ZBTB40: variants seen among roughly 807,000 people sequenced by gnomAD.
ZBTB40 encodes the protein zinc finger and BTB domain-containing protein 40.
ZBTB40 carries 60 observed loss-of-function variants against 117.5 expected under a neutral mutation model. The ratio of observed to expected loss-of-function variants is 0.51; its 90% confidence interval spans 0.41 to 0.63. The LOEUF is 0.63. Ranked by LOEUF, ZBTB40 falls within the 30% of genes least tolerant of loss-of-function variation. The pLI, the probability that ZBTB40 is intolerant of heterozygous loss-of-function variation, is 0.00. For synonymous variants in ZBTB40, 525 were observed against 577.1 expected (o/e 0.91, Z 1.29); for missense variants, 1,287 against 1,498.5 (o/e 0.86, Z 2.33).
intron 13 of ZBTB40, 36 bp downstream of exon 13, chr1:22,517,500 C>T (rs1423542150): frequency 6.3e-7 from 1 of 1,597,174 alleles, no homozygotes; most frequent in Non-Finnish European, 8.5e-7. Flanking sequence ...CCCTCAGTGC[C>T]AGCCTGGCAC....
intron 5 of ZBTB40, 77 bp from the exon 6 acceptor site, chr1:22,505,972 C>A (rs778717671): frequency 3.7e-5 from 56 of 1,501,276 alleles, no homozygotes; most frequent in Non-Finnish European, 5.0e-5. Context: ...TGCTATCTTG[C>A]TAGGTTTTCC....
chr1:22,467,610 G>T (rs527530072), intron 1 of ZBTB40, among the ~76,000 whole-genome samples: 1 of 152,104 alleles, frequency 6.6e-6, no homozygotes, highest in Non-Finnish European at 1.5e-5. Flanking sequence ...GAGTAGCTGG[G>T]ATCACAGGTG....
At chr1:22,488,094 C>T (rs1006067509) in intron 1 of ZBTB40, among the ~76,000 whole-genome samples, 2 of 152,160 alleles carry the variant, frequency 1.3e-5, no homozygotes, top group African/African-American at 4.8e-5. Flanking sequence ...CTGTTTTTCC[C>T]TCAAAGCTTT....
In ZBTB40 at chr1:22,514,065, G is replaced by A. The variant is rs116167618; in HGVS notation, c.2668+935G>A. 3.6e-3 allele frequency among the ~76,000 whole-genome samples: 543 copies of A among 152,242 alleles called. 1 individual carries two copies. The highest frequency in any genetic ancestry group is 0.012 in the African/African-American group (516 of 41,548). On this transcript the variant is annotated intron_variant, in intron 12 of 17. Coordinates refer to ENST00000375647, the MANE Select transcript of ZBTB40 (RefSeq NM_014870.4). ...GGGGGCAGGGAGAGGGGAGTGTAGC[G>A]CCCGTTACAATGCAGATTGTCAGCG...
chr1:22,493,135 C>T (rs940571790), intron 3 of ZBTB40, among the ~76,000 whole-genome samples: 1 of 152,104 alleles, frequency 6.6e-6, no homozygotes, highest in African/African-American at 2.4e-5. Flanking sequence ...TACATGCATT[C>T]GTTCAACATT....
chr1:22,468,788 C>T (rs879759183), intron 1 of ZBTB40, among the ~76,000 whole-genome samples: 3 of 150,748 alleles, frequency 2.0e-5, no homozygotes. Context: ...CATGGGCTGC[C>T]ATGCTTGGTG....
At chr1:22,435,018 ATT>A (rs200374120) in intron 1 of ZBTB40, among the ~76,000 whole-genome samples, 5 of 139,820 alleles carry the variant, frequency 3.6e-5, no homozygotes, top group African/African-American at 5.2e-5. Context: ...TCCTTCATTA[ATT>A]TTTTTTTTTT....
At chr1:22,437,564 C>T (rs1640685386) in intron 1 of ZBTB40, among the ~76,000 whole-genome samples, 1 of 151,802 alleles carries the variant, frequency 6.6e-6, no homozygotes, top group Non-Finnish European at 1.5e-5. Context: ...GAACTACAGG[C>T]ACGCACCACT....
At position 22,513,366 on chromosome 1, in the gene ZBTB40, T is replaced by C. The variant is rs1011961579; in HGVS notation, c.2668+236T>C. Among the ~76,000 whole-genome samples, 5 of 152,156 alleles carry C rather than the reference T, an allele frequency of 3.3e-5. No individual in the cohort carries two copies. The highest frequency in any genetic ancestry group is 1.2e-4 in the African/African-American group (5 of 41,428). The stretch of plus-strand genomic sequence containing the variant: ...TCTCTCATTCTCCCTGATGCAGTTA[T>C]TTCATATTGCATGCCTGCAGCACAA... On this transcript the variant is annotated intron_variant, in intron 12 of 17. Transcript: ENST00000375647. This position sits in a 1 kb window ranked among gnomAD's most constrained non-coding sequence, Gnocchi z 4.9.
rs866627860 is a variant in ZBTB40, at chr1:22,520,193, C to T, written c.2966C>T (p.Ala989Val). ...PCPTCGKIFSAPSMLERHVVT... is the reference protein window; with the variant it reads ...PCPTCGKIFSVPSMLERHVVT... ...CCCACGTGTGGGAAGATCTTCAGTG[C>T]CCCGTCCATGCTGGAGCGGCACGTG... The change falls in exon 14 of 18, where the codon GCC becomes GTC. Residue 989 changes from alanine to valine, a missense_variant. Ala to Val is a moderately conservative substitution (Grantham distance 64, BLOSUM62 0). Around this residue, in one of 2 missense-constraint regions of ZBTB40, gnomAD observed 417 missense variants for 564.1 expected, o/e 0.74. Transcript: ENST00000375647. The T allele has an allele frequency of 6.2e-7, 1 of 1,614,084 alleles. No individual in the cohort carries two copies. Among genetic ancestry groups the T allele is most frequent in the African/African-American group, 1.3e-5 (1 of 75,040 alleles).
At position 22,524,431 on chromosome 1, in the gene ZBTB40, C is replaced by T; in HGVS notation, c.3512C>T (p.Ser1171Leu). The change falls in exon 17 of 18, where the codon TCA (serine) becomes TTA (leucine). Residue 1171 changes from serine (S) to leucine (L), a missense_variant. Physicochemically the swap from Ser to Leu is moderately radical, Grantham distance 145. Transcript: ENST00000375647. ...VMSTETQAAA[S>L]QMAQVIQTPE... is the part of the protein sequence containing the mutation. ...AGCACGGAAACCCAGGCCGCAGCCT[C>T]ACAGATGGCGCAGGTGATTCTGGGG... The T allele has an allele frequency of 6.2e-7, 1 of 1,613,778 alleles. No homozygotes were observed.
At chr1:22,483,057 C>A (rs538114737) in intron 1 of ZBTB40, among the ~76,000 whole-genome samples, 2 of 146,924 alleles carry the variant, frequency 1.4e-5, no homozygotes, top group African/African-American at 5.1e-5. Flanking sequence ...CCAGCCCGGG[C>A]GACAGAGCAG....
chr1:22,492,897 C>G (rs1355139007), intron 3 of ZBTB40, among the ~76,000 whole-genome samples: 5 of 152,102 alleles, frequency 3.3e-5, no homozygotes, highest in Non-Finnish European at 1.5e-5. Context: ...TCATTTTTGT[C>G]ATTAGTTTGT....
chr1:22,475,604 C>G (rs1641534520), intron 1 of ZBTB40, among the ~76,000 whole-genome samples: 1 of 152,220 alleles, frequency 6.6e-6, no homozygotes, highest in African/African-American at 2.4e-5. Context: ...CAGCCCTAGT[C>G]CTTCCCTTGC....
At chr1:22,433,349 C>T (rs1243739505) in intron 1 of ZBTB40, among the ~76,000 whole-genome samples, 13 of 142,388 alleles carry the variant, frequency 9.1e-5, no homozygotes, top group African/African-American at 2.9e-4. Flanking sequence ...AGGAGAATGG[C>T]GTGAACCCAG....
intron 3 of ZBTB40, among the ~76,000 whole-genome samples, chr1:22,495,497 T>G (rs1053327369): frequency 1.3e-5 from 2 of 152,008 alleles, no homozygotes; most frequent in South Asian, 2.1e-4. Flanking sequence ...TGCTAGGTTT[T>G]TTTTGTTTTG....
chr1:22,439,113 G>A (rs142685604), intron 1 of ZBTB40, among the ~76,000 whole-genome samples: 7,796 of 152,168 alleles, frequency 0.051, 681 homozygotes, highest in African/African-American at 0.18. Context: ...TTATCCACCC[G>A]CCTTGGCCCC....
chr1:22,436,962 T>C (rs1021615249), intron 1 of ZBTB40, among the ~76,000 whole-genome samples: 3 of 151,954 alleles, frequency 2.0e-5, no homozygotes, highest in African/African-American at 7.3e-5. Context: ...GATGGGAAGA[T>C]GGGCAAGTCT....
rs1387526070 is a variant in ZBTB40 at position 22,517,306 on chromosome 1, T to C, written c.2675T>C (p.Met892Thr). ...HTKKKHSEGK[M>T]YACQYCDAVF... is the part of the protein sequence containing the mutation. ...AGCTCCTGTGTATTTGCAGGGAAAA[T>C]GTATGCATGCCAGTACTGTGATGCT... The change falls in exon 13 of 18, where the codon ATG becomes ACG. Residue 892 changes from methionine (M) to threonine (T), a missense_variant. By Grantham distance (81) the Met-to-Thr change is moderately conservative. Transcript: ENST00000375647. The C allele has an allele frequency of 9.9e-6, 16 of 1,614,006 alleles. No homozygotes were observed. Among genetic ancestry groups the C allele is most frequent in the Admixed American group, 1.7e-5 (1 of 60,012 alleles).
Sources: allele counts gnomAD v4.1 joint callset (sites outside exome capture counted in the v4.1 genomes callset), GRCh38; gene constraint gnomAD v4.1.1; regional missense constraint gnomAD v4.1.1; non-coding constraint Gnocchi (gnomAD v3.1); transcripts MANE v1.5; gene names NCBI Gene and HGNC (gene_info 2026-07-23, HGNC 2026-07-21).